Variants in PLEKHA7 observed in about 807,000 individuals in gnomAD.
PLEKHA7 encodes the protein pleckstrin homology domain containing A7, also known as pleckstrin homology domain-containing family A member 7.
In PLEKHA7, 104 loss-of-function variants were observed where a neutral mutation model predicts 170.0. The ratio of observed to expected loss-of-function variants is 0.61; its 90% CI spans 0.52 to 0.72. The LOEUF is 0.72. PLEKHA7 is among the 30% of genes least tolerant of loss of function. The pLI is 0.00. For missense variants in PLEKHA7, 1,615 were observed against 1,671.7 expected, an observed-to-expected ratio of 0.97 and a Z score of 0.59; for synonymous variants, 648 against 660.8, an observed-to-expected ratio of 0.98 and a Z score of 0.30.
At chr11:17,013,748 CAG>C (rs1865469241) in intron 3 of PLEKHA7, among the ~76,000 whole-genome samples, 1 of 152,216 alleles carries the variant, frequency 6.6e-6, no homozygotes. Context: ...GTCCAGGGCG[CAG>C]AGTCTGCGGC....
chr11:16,908,922 G>A (rs1034553048), intron 3 of PLEKHA7, among the ~76,000 whole-genome samples: 7 of 152,188 alleles, frequency 4.6e-5, no homozygotes, highest in African/African-American at 1.4e-4. Context: ...GGCAGGTGGG[G>A]TTTACGGTAA....
Position 16,791,130 on chromosome 11 carries a change from G to A in PLEKHA7, c.2815C>T (p.Pro939Ser), listed in dbSNP as rs1231065460. Residue 939 changes from proline (P) to serine (S), a missense_variant, in exon 20 of 27, where the codon CCG becomes TCG. Coordinates refer to ENST00000531066, the MANE Select transcript of PLEKHA7 (RefSeq NM_001329630.2). This position sits in a 1 kb window ranked among gnomAD's most constrained non-coding sequence, Gnocchi z 4.5. The stretch of plus-strand genomic sequence containing the variant: ...ATGGTGGCCTCTCTTGGCAGAGGCG[G>A]CACAGCCGGGGGCTGGTCCTCTGGG... Reference protein sequence around the residue: ...YSPEDQPPAVPPLPREATIIR... With the variant: ...YSPEDQPPAVSPLPREATIIR... 2 of 1,614,020 alleles carry A rather than the reference G, an allele frequency of 1.2e-6. No individual in the cohort carries two copies. The highest frequency in any genetic ancestry group is 8.5e-7 in the Non-Finnish European group (1 of 1,179,952).
At position 16,921,032 on chromosome 11, in the gene PLEKHA7, G is replaced by A. The variant is rs575271205; in HGVS notation, c.222-49850C>T. Among the ~76,000 whole-genome samples, 27 of 152,332 alleles carry A rather than the reference G, an allele frequency of 1.8e-4. 1 individual carries two copies. In the South Asian group the frequency reaches 5.4e-3, roughly 30 times the overall value. On this transcript the variant is annotated intron_variant, in intron 3 of 26. Coordinates refer to ENST00000531066, the MANE Select transcript of PLEKHA7 (RefSeq NM_001329630.2). ...AATTCGGGGCTGTAATCATAACTCC[G>A]TTAATGAGCAATGCCTGTGTCTGAA...
chr11:16,949,826 A>G (rs1480263378), intron 3 of PLEKHA7, among the ~76,000 whole-genome samples: 5 of 152,106 alleles, frequency 3.3e-5, no homozygotes, highest in African/African-American at 1.2e-4. Flanking sequence ...ACAGAAATTC[A>G]GAGGAGGGAG....
intron 3 of PLEKHA7, among the ~76,000 whole-genome samples, chr11:16,873,928 A>G (rs537849383): frequency 8.5e-5 from 13 of 152,234 alleles, no homozygotes; most frequent in Non-Finnish European, 1.5e-4. Flanking sequence ...CAGCCTCCCA[A>G]AGTGCTGGGA....
At chr11:17,006,088 AGGCTG>A (rs903720995) in intron 3 of PLEKHA7, among the ~76,000 whole-genome samples, 2 of 152,152 alleles carry the variant, frequency 1.3e-5, no homozygotes, top group African/African-American at 4.8e-5. Flanking sequence ...ATGACAAATA[AGGCTG>A]GGCATGGTGG....
intron 13 of PLEKHA7, among the ~76,000 whole-genome samples, chr11:16,810,394 C>T (rs147505894): frequency 6.6e-6 from 1 of 152,302 alleles, no homozygotes; most frequent in East Asian, 1.9e-4. Context: ...CTGAGGGAAG[C>T]CGGGGGGTGC....
In PLEKHA7 at chr11:16,935,721, G is replaced by T. The variant is rs1396185242; in HGVS notation, c.222-64539C>A. 5.3e-5 allele frequency among the ~76,000 whole-genome samples: 8 copies of T among 152,290 alleles called. No individual in the cohort carries two copies. The East Asian group carries it at 1.5e-3, about 29-fold the overall frequency. ...AGGGATACTCTCTCTACATAATCCT[G>T]AATGTTGCAATTATTCAGATCCCCA... is the stretch of plus-strand genomic sequence containing the variant. On this transcript the variant is annotated intron_variant, in intron 3 of 26. Transcript: ENST00000531066.
In PLEKHA7 at chr11:16,789,690, G is replaced by A; in HGVS notation, c.3156+85C>T. On this transcript the variant is annotated intron_variant, in intron 22 of 26. Coordinates refer to ENST00000531066, the MANE Select transcript of PLEKHA7 (RefSeq NM_001329630.2). This position sits in a 1 kb window ranked among gnomAD's most constrained non-coding sequence, Gnocchi z 4.6. ...CCAGAGGCCATCCCCAGGGCTGAAG[G>A]GATGGCCAGTTACTGTCCCCCTGGG... 1.6e-6 allele frequency: 2 copies of A among 1,249,196 alleles called. No homozygotes were observed. Among genetic ancestry groups the A allele is most frequent in the East Asian group, 2.5e-5 (1 of 40,522 alleles). The allele number at this position is 1,249,196 out of a possible 1,614,324, so 77.4% of individuals were successfully genotyped here.
rs1849860010 is a variant in PLEKHA7, at chr11:16,817,447, T to C, written c.1344-125A>G. 1.0e-6 allele frequency: 1 copy of C among 960,238 alleles called. No homozygotes were observed. Among genetic ancestry groups the C allele is most frequent in the Non-Finnish European group, 1.5e-6 (1 of 678,782 alleles). 59.5% of individuals were successfully genotyped at this position (960,238 alleles called of 1,614,324 possible). A position where few individuals can be genotyped will look rare whatever the true frequency, so the allele number is the denominator to read the frequency against. ...CAGTCCTGTAAGAACCTCAAAAGAA[T>C]GATCAAGGCCGACATCCAGGACTTC... On this transcript the variant is annotated intron_variant, in intron 10 of 26. Transcript: ENST00000531066. The surrounding 1 kb of genome is among the most constrained non-coding windows in gnomAD (Gnocchi z 4.4).
chr11:16,811,017 C>G (rs560374464), intron 13 of PLEKHA7, among the ~76,000 whole-genome samples: 1 of 152,148 alleles, frequency 6.6e-6, no homozygotes, highest in Non-Finnish European at 1.5e-5. Flanking sequence ...ACATTATAAC[C>G]CCCTATTGTT....
intron 12 of PLEKHA7, among the ~76,000 whole-genome samples, chr11:16,814,728 C>T (rs2134662157): frequency 6.6e-6 from 1 of 152,334 alleles, no homozygotes; most frequent in South Asian, 2.1e-4. Flanking sequence ...TTCCAGCTTA[C>T]TGTGAGGTTC....
intron 13 of PLEKHA7, among the ~76,000 whole-genome samples, chr11:16,812,881 C>T (rs1288579779): frequency 6.6e-6 from 1 of 152,156 alleles, no homozygotes; most frequent in Non-Finnish European, 1.5e-5. Flanking sequence ...GGTCTCAAGC[C>T]CTCATTCTGT....
intron 13 of PLEKHA7, chr11:16,812,285 T>C (rs1270190685): frequency 6.6e-6 from 1 of 152,224 alleles, no homozygotes; most frequent in African/African-American, 2.4e-5. Context: ...CCTGCTTCTA[T>C]GAGGCTGGAT....
chr11:16,978,031 C>G (rs1863182104), intron 3 of PLEKHA7, among the ~76,000 whole-genome samples: 1 of 152,154 alleles, frequency 6.6e-6, no homozygotes, highest in African/African-American at 2.4e-5. Context: ...ATCGGTTGGA[C>G]AGCAGGCACA....
At chr11:16,842,008 G>A (rs1042274612) in intron 8 of PLEKHA7, among the ~76,000 whole-genome samples, 4 of 152,200 alleles carry the variant, frequency 2.6e-5, no homozygotes, top group Non-Finnish European at 5.9e-5. Context: ...CAAGGCTTAT[G>A]TGAGAAACAG....
intron 3 of PLEKHA7, among the ~76,000 whole-genome samples, chr11:17,006,163 G>A (rs1864975777): frequency 6.6e-6 from 1 of 151,962 alleles, no homozygotes; most frequent in African/African-American, 2.4e-5. Flanking sequence ...CTGAGGTCAG[G>A]AGTTCAAGAC....
At chr11:16,989,325 G>A (rs1208400109) in intron 3 of PLEKHA7, among the ~76,000 whole-genome samples, 1 of 152,080 alleles carries the variant, frequency 6.6e-6, no homozygotes, top group Non-Finnish European at 1.5e-5. Context: ...AGAGACCATA[G>A]ACAAATTACT....
intron 4 of PLEKHA7, among the ~76,000 whole-genome samples, chr11:16,856,937 G>C (rs540161023): frequency 6.6e-6 from 1 of 152,306 alleles, no homozygotes; most frequent in Non-Finnish European, 1.5e-5. Context: ...TTTGCCTGAA[G>C]AGTGGAGAAA....
Sources: gnomAD v4.1 joint callset for allele counts (sites outside exome capture counted in the v4.1 genomes callset) on GRCh38, gnomAD v4.1.1 for gene constraint, Gnocchi (gnomAD v3.1) non-coding constraint, MANE v1.5 for transcripts, NCBI Gene and HGNC (gene_info 2026-07-23, HGNC 2026-07-21) for gene names.